TMEM117: variants seen among roughly 807,000 people sequenced by gnomAD.
The protein encoded by TMEM117 is transmembrane protein 117.
Under a neutral mutation model 52.4 loss-of-function variants are expected in TMEM117, and 27 were observed. That is an observed-to-expected ratio of 0.51 (90% CI 0.38 to 0.71). The LOEUF is 0.71. Among genes scored for constraint, TMEM117 ranks in the 30% least tolerant of loss-of-function variants. The pLI is 0.00. For synonymous variants in TMEM117, 215 were observed against 206.3 expected (o/e 1.04, Z -0.36); for missense variants, 556 against 630.5 (o/e 0.88, Z 1.26).
intron 2 of TMEM117, among the ~76,000 whole-genome samples, chr12:43,851,363 A>G (rs1480934941): frequency 1.3e-5 from 2 of 152,184 alleles, no homozygotes; most frequent in East Asian, 3.9e-4. Flanking sequence ...TTAGTTTAAA[A>G]TGGAATCTTT....
At chr12:44,176,414 T>C (rs979433439) in intron 4 of TMEM117, among the ~76,000 whole-genome samples, 7 of 152,190 alleles carry the variant, frequency 4.6e-5, no homozygotes, top group African/African-American at 1.7e-4. Context: ...TGCTTTAGCG[T>C]ACAAGTCTTT....
intron 5 of TMEM117, among the ~76,000 whole-genome samples, chr12:44,291,925 A>G (rs2138622936): frequency 6.6e-6 from 1 of 152,174 alleles, no homozygotes; most frequent in Non-Finnish European, 1.5e-5. Flanking sequence ...TATATTCATT[A>G]GGAATATTGA....
At chr12:43,886,949 G>A (rs1255012022) in intron 2 of TMEM117, among the ~76,000 whole-genome samples, 1 of 152,124 alleles carries the variant, frequency 6.6e-6, no homozygotes, top group East Asian at 1.9e-4. Context: ...CTGGGTTCAA[G>A]CAATTCTCAT....
chr12:44,127,506 A>T (rs59628873), intron 3 of TMEM117, among the ~76,000 whole-genome samples: 1 of 151,856 alleles, frequency 6.6e-6, no homozygotes, highest in Admixed American at 6.6e-5. Flanking sequence ...GAGAAACCCC[A>T]TCTCTATTAA....
Position 44,311,803 on chromosome 12 carries a change from A to ATG in TMEM117, c.768+12066_768+12067dup, listed in dbSNP as rs1555150215. Among the ~76,000 whole-genome samples the ATG allele has an allele frequency of 4.8e-3, 56 of 11,766 alleles. 2 individuals carry two copies. In the East Asian group the frequency reaches 0.058, roughly 12 times the overall value. 7.7% of individuals were successfully genotyped at this position (11,766 alleles called of 152,430 possible). On this transcript the variant is annotated intron_variant, in intron 6 of 7. Transcript: ENST00000266534. ...TGTATATATGTATATATATGTATAT[A>ATG]TGTATATATGTATATATATGTATAT...
At position 44,389,297 on chromosome 12, in the gene TMEM117, G is replaced by A. The variant is rs1383568606; in HGVS notation, c.*625G>A. On this transcript the variant is annotated 3_prime_UTR_variant, in exon 8 of 8. Coordinates refer to ENST00000266534, the MANE Select transcript of TMEM117 (RefSeq NM_032256.3). ...CATAACCCAACATGGGTCACTACTCGTGAAATGTGACTTTCTCCCACCAGT... is the reference window on the plus strand; with the variant it reads ...CATAACCCAACATGGGTCACTACTCATGAAATGTGACTTTCTCCCACCAGT... 1.3e-5 allele frequency: 2 copies of A among 152,698 alleles called. No homozygotes were observed. The highest frequency in any genetic ancestry group is 2.1e-4 in the South Asian group (1 of 4,824). The allele number at this position is 152,698 out of a possible 1,614,324, so 9.5% of individuals were successfully genotyped here.
At chr12:44,053,734 G>A (rs1385155989) in intron 3 of TMEM117, among the ~76,000 whole-genome samples, 8 of 152,136 alleles carry the variant, frequency 5.3e-5, no homozygotes, top group South Asian at 2.1e-4. Flanking sequence ...GAAATTCCAA[G>A]GGTTTATGAA....
intron 6 of TMEM117, among the ~76,000 whole-genome samples, chr12:44,308,734 T>C (rs891105174): frequency 2.0e-5 from 3 of 151,928 alleles, no homozygotes; most frequent in Non-Finnish European, 4.4e-5. Context: ...ATTCTCCTGC[T>C]TCAGGCTTCC....
At chr12:43,844,512 A>G in intron 1 of TMEM117, 112 bp from the exon 2 acceptor site, 6 of 967,704 alleles carry the variant, frequency 6.2e-6, no homozygotes, top group South Asian at 3.4e-5. Context: ...AGGAACAGGT[A>G]TCATCTTTTC....
the TMEM117 span, among the ~76,000 whole-genome samples, chr12:44,395,836 C>A: frequency 1.3e-5 from 2 of 152,184 alleles, no homozygotes; most frequent in Non-Finnish European, 2.9e-5. Flanking sequence ...GGCCAGAACT[C>A]AGTTACAGCC....
intron 5 of TMEM117, among the ~76,000 whole-genome samples, chr12:44,288,517 T>C (rs1950663605): frequency 6.6e-6 from 1 of 152,146 alleles, no homozygotes; most frequent in South Asian, 2.1e-4. Context: ...AAGAGTGTTT[T>C]ATATTATATA....
intron 5 of TMEM117, among the ~76,000 whole-genome samples, chr12:44,295,623 G>A (rs1481107310): frequency 6.6e-6 from 1 of 150,518 alleles, no homozygotes. Context: ...TGATATTGTA[G>A]CTCTCTTTTG....
In TMEM117 at chr12:44,313,186, C is replaced by G. The variant is rs1430419945; in HGVS notation, c.768+13447C>G. Among the ~76,000 whole-genome samples the G allele has an allele frequency of 2.0e-5, 3 of 152,090 alleles. No individual in the cohort carries two copies. In the East Asian group the frequency reaches 5.8e-4, roughly 29 times the overall value. On this transcript the variant is annotated intron_variant, in intron 6 of 7. Transcript: ENST00000266534. ...CTTAGTCATAAGTTCTTTGCCAATCCTGTTATCTACAATGTTATTTTCTAG... is the reference window on the plus strand; with the variant it reads ...CTTAGTCATAAGTTCTTTGCCAATCGTGTTATCTACAATGTTATTTTCTAG...
chr12:44,270,255 C>A (rs1476590922), intron 5 of TMEM117, among the ~76,000 whole-genome samples: 1 of 152,062 alleles, frequency 6.6e-6, no homozygotes, highest in African/African-American at 2.4e-5. Context: ...GCTCCTTACA[C>A]AGAAAGAGGT....
chr12:44,041,265 C>T lies in TMEM117; in HGVS notation c.410+96923C>T, dbSNP rs969458849. Among the ~76,000 whole-genome samples, 8 of 123,980 alleles carry T rather than the reference C, an allele frequency of 6.5e-5. No individual in the cohort carries two copies. The Admixed American group carries it at 8.0e-4, about 12-fold the overall frequency. The allele number at this position is 123,980 out of a possible 152,430, so 81.3% of individuals were successfully genotyped here. A position where few individuals can be genotyped will look rare whatever the true frequency, so the allele number is the denominator to read the frequency against. ...CCCCCTCCCCCCACCCCACAACAGG[C>T]CCCAGTGTGTGATGTTCCCCTTCCT... On this transcript the variant is annotated intron_variant, in intron 3 of 7. Transcript: ENST00000266534.
At chr12:44,190,872 GATAC>G (rs1949342633) in intron 4 of TMEM117, among the ~76,000 whole-genome samples, 1 of 148,210 alleles carries the variant, frequency 6.7e-6, no homozygotes, top group Non-Finnish European at 1.5e-5. Context: ...TATAGAGAGA[GATAC>G]ATACATACAT....
At chr12:44,183,344 G>C (rs1254385494) in intron 4 of TMEM117, among the ~76,000 whole-genome samples, 2 of 152,048 alleles carry the variant, frequency 1.3e-5, no homozygotes, top group Non-Finnish European at 2.9e-5. Context: ...TCTTAATTTT[G>C]GATACTTACT....
At chr12:44,302,303 G>A (rs1950850701) in intron 6 of TMEM117, among the ~76,000 whole-genome samples, 1 of 152,158 alleles carries the variant, frequency 6.6e-6, no homozygotes, top group Non-Finnish European at 1.5e-5. Context: ...CTCTCTGAGT[G>A]CCCTCCATGG....
intron 4 of TMEM117, among the ~76,000 whole-genome samples, chr12:44,151,337 T>C (rs1948720830): frequency 6.6e-6 from 1 of 151,738 alleles, no homozygotes. Flanking sequence ...ACCTTTTTTT[T>C]TTGATGGAAT....
Sources: gnomAD v4.1 joint callset for allele counts (sites outside exome capture counted in the v4.1 genomes callset) on GRCh38, gnomAD v4.1.1 for gene constraint, MANE v1.5 for transcripts, NCBI Gene and HGNC (gene_info 2026-07-23, HGNC 2026-07-21) for gene names.